Variants in LRCH1 observed in about 807,000 individuals in gnomAD.
The protein encoded by LRCH1 is leucine-rich repeat and calponin homology domain-containing protein 1.
Under a neutral mutation model 94.9 loss-of-function variants are expected in LRCH1, and 23 were observed. The observed-to-expected ratio is 0.24, with a 90% CI of 0.17 to 0.34. The LOEUF is 0.34. LRCH1 is among the 10% of genes least tolerant of loss of function. LRCH1 has a pLI of 1.00. For missense variants in LRCH1, 790 were observed against 945.9 expected (o/e 0.84, Z 2.16); for synonymous variants, 364 against 354.9 (o/e 1.03, Z -0.29).
intron 1 of LRCH1, among the ~76,000 whole-genome samples, chr13:46,577,803 C>T (rs1033598874): frequency 6.6e-6 from 1 of 152,170 alleles, no homozygotes; most frequent in African/African-American, 2.4e-5. Flanking sequence ...AGAAGGAAAT[C>T]ATTATTTTGG....
At position 46,669,032 on chromosome 13, in the gene LRCH1, G is replaced by A; in HGVS notation, c.455G>A (p.Arg152Gln). 6.2e-7 allele frequency: 1 copy of A among 1,613,548 alleles called. No individual in the cohort carries two copies. The highest frequency in any genetic ancestry group is 8.5e-7 in the Non-Finnish European group (1 of 1,179,762). The change falls in exon 3 of 20, where the codon CGA (arginine) becomes CAA (glutamine). Residue 152 changes from arginine to glutamine, a missense_variant and splice_region_variant. By Grantham distance (43) the Arg-to-Gln change is conservative (BLOSUM62 1). Transcript: ENST00000389797. ...TTCTTGTTGTATTGTCTTTGCAGTCGAAATCAGCTGTCCGCCCTGCCTGCC... is the reference window on the plus strand; with the variant it reads ...TTCTTGTTGTATTGTCTTTGCAGTCAAAATCAGCTGTCCGCCCTGCCTGCC... Reference protein sequence around the residue: ...LQMLTYLNLSRNQLSALPACL... With the variant: ...LQMLTYLNLSQNQLSALPACL...
chr13:46,713,760 C>T (rs963754741), intron 15 of LRCH1, among the ~76,000 whole-genome samples: 1 of 152,186 alleles, frequency 6.6e-6, no homozygotes. Flanking sequence ...GTTTTCCTTT[C>T]CACGGTCTCA....
At chr13:46,652,168 C>G (rs2051313801) in intron 2 of LRCH1, among the ~76,000 whole-genome samples, 1 of 151,918 alleles carries the variant, frequency 6.6e-6, no homozygotes, top group Non-Finnish European at 1.5e-5. Context: ...GCTCCGCCTC[C>G]CGGGTTCACG....
At chr13:46,672,692 G>T (rs1204986278) in intron 3 of LRCH1, among the ~76,000 whole-genome samples, 1 of 152,172 alleles carries the variant, frequency 6.6e-6, no homozygotes, top group Non-Finnish European at 1.5e-5. Context: ...CCCTGTCCTG[G>T]CCCCAGCTCT....
chr13:46,599,443 T>A (rs893924153), intron 1 of LRCH1, among the ~76,000 whole-genome samples: 3 of 152,242 alleles, frequency 2.0e-5, no homozygotes, highest in African/African-American at 7.2e-5. Flanking sequence ...CCATGGTGGT[T>A]CCACCATTTT....
chr13:46,715,691 A>G (rs968788055), intron 16 of LRCH1, 27 bp downstream of exon 16: 141 of 1,380,412 alleles, frequency 1.0e-4, no homozygotes, highest in Non-Finnish European at 1.3e-4. Context: ...CTATTCTCCA[A>G]TGTTCTCATT....
chr13:46,598,918 A>G (rs1481017238), intron 1 of LRCH1, among the ~76,000 whole-genome samples: 2 of 152,164 alleles, frequency 1.3e-5, no homozygotes, highest in East Asian at 1.9e-4. Context: ...ACATATTCAC[A>G]TTGTCGCACA....
chr13:46,655,735 T>A (rs2051361881), intron 2 of LRCH1, among the ~76,000 whole-genome samples: 1 of 152,192 alleles, frequency 6.6e-6, no homozygotes, highest in Non-Finnish European at 1.5e-5. Flanking sequence ...CTCTTGGCAA[T>A]AGTAGGAGTG....
intron 2 of LRCH1, among the ~76,000 whole-genome samples, chr13:46,665,942 A>G (rs1326591940): frequency 6.6e-6 from 1 of 152,222 alleles, no homozygotes; most frequent in East Asian, 1.9e-4. Context: ...TCTCCTGTCT[A>G]AATATTTGCT....
At chr13:46,636,390 G>A (rs1233051217) in intron 1 of LRCH1, among the ~76,000 whole-genome samples, 1 of 152,144 alleles carries the variant, frequency 6.6e-6, no homozygotes, top group East Asian at 1.9e-4. Flanking sequence ...CCATTCTTAA[G>A]TGTGCAATTC....
In LRCH1 at chr13:46,723,238, A is replaced by C. The variant is rs1269063424; in HGVS notation, c.1777A>C (p.Arg593=). ...DSDNVFLRPQ[R]NLESIDPQFT... The stretch of plus-strand genomic sequence containing the variant: ...TATTGTAGTGTTTCTAAGACCTCAG[A>C]GAAATTTGGAATCTATAGACCCGCA... The change falls in exon 17 of 20, where the codon AGA becomes CGA. Residue 593 remains arginine, a synonymous_variant. Transcript: ENST00000389797. 6.2e-7 allele frequency: 1 copy of C among 1,611,118 alleles called. No individual in the cohort carries two copies. Among genetic ancestry groups the C allele is most frequent in the Non-Finnish European group, 8.5e-7 (1 of 1,177,706 alleles).
At chr13:46,650,457 T>G in intron 2 of LRCH1, 112 bp downstream of exon 2, 1 of 826,146 alleles carries the variant, frequency 1.2e-6, no homozygotes, top group Non-Finnish European at 1.8e-6. Context: ...TTCTTTGATG[T>G]AGGTCACACA....
chr13:46,706,416 A>G (rs944888083), intron 13 of LRCH1, among the ~76,000 whole-genome samples: 1 of 151,980 alleles, frequency 6.6e-6, no homozygotes, highest in Non-Finnish European at 1.5e-5. Context: ...TTACTGTACC[A>G]CCTCTTCCCT....
At chr13:46,673,746 A>ATTTT (rs546225715) in intron 3 of LRCH1, among the ~76,000 whole-genome samples, 1 of 108,268 alleles carries the variant, frequency 9.2e-6, no homozygotes, top group Non-Finnish European at 1.9e-5. Context: ...TCCAAATGGA[A>ATTTT]TTTTTTTTTT....
chr13:46,714,161 G>C (rs1872206651), intron 15 of LRCH1, among the ~76,000 whole-genome samples: 1 of 152,198 alleles, frequency 6.6e-6, no homozygotes, highest in South Asian at 2.1e-4. Context: ...AGAAAACAAA[G>C]TTAATTTCCT....
chr13:46,596,143 G>C (rs1185778027), intron 1 of LRCH1, among the ~76,000 whole-genome samples: 1 of 152,124 alleles, frequency 6.6e-6, no homozygotes, highest in African/African-American at 2.4e-5. Context: ...CATAGATGAG[G>C]GAGTTGACAT....
intron 1 of LRCH1, among the ~76,000 whole-genome samples, chr13:46,620,724 G>A (rs1032722983): frequency 5.9e-5 from 9 of 152,204 alleles, no homozygotes; most frequent in Non-Finnish European, 1.0e-4. Context: ...TTTGCTTTTT[G>A]AGTAGGACAT....
At position 46,650,236 on chromosome 13, in the gene LRCH1, G is replaced by C. The variant is rs1441421963; in HGVS notation, c.343G>C (p.Glu115Gln). Residue 115 changes from glutamate to glutamine, a missense_variant, in exon 2 of 20, where the codon GAA becomes CAA. Transcript: ENST00000389797. ...AAACAGACTGGTTGAAGTTCCAATG[G>C]AATTGTGCCATTTTGTATCACTGGA... ...SKNRLVEVPM[E>Q]LCHFVSLEIL... 1.2e-6 allele frequency: 2 copies of C among 1,612,428 alleles called. No homozygotes were observed. Among genetic ancestry groups the C allele is most frequent in the Non-Finnish European group, 8.5e-7 (1 of 1,179,058 alleles).
chr13:46,736,493 T>C (rs1443408721), intron 19 of LRCH1, among the ~76,000 whole-genome samples: 2 of 152,204 alleles, frequency 1.3e-5, no homozygotes, highest in African/African-American at 2.4e-5. Flanking sequence ...CTTGAGTGTA[T>C]GTGTGGCACA....
Sources: gnomAD v4.1 joint callset for allele counts (sites outside exome capture counted in the v4.1 genomes callset) on GRCh38, gnomAD v4.1.1 for gene constraint, MANE v1.5 for transcripts, NCBI Gene and HGNC (gene_info 2026-07-23, HGNC 2026-07-21) for gene names.